DNAI2: variants seen among roughly 807,000 people sequenced by gnomAD.
The protein encoded by DNAI2 is dynein axonemal intermediate chain 2.
In DNAI2, 63 loss-of-function variants were observed where a neutral mutation model predicts 74.7. That is an observed-to-expected ratio of 0.84 (90% CI 0.69 to 1.04). The LOEUF (loss-of-function observed/expected upper bound fraction) is 1.04. Ranked by LOEUF, DNAI2 falls within the 50% of genes least tolerant of loss-of-function variation. The pLI is 0.00. For missense variants in DNAI2, 688 were observed against 803.2 expected, an observed-to-expected ratio of 0.86 and a Z score of 1.73; for synonymous variants, 289 against 314.9, an observed-to-expected ratio of 0.92 and a Z score of 0.87.
At chr17:74,310,314 T>G in intron 11 of DNAI2, 151 bp downstream of exon 11, 1 of 1,182,472 alleles carries the variant, frequency 8.5e-7, no homozygotes, top group East Asian at 2.7e-5. Context: ...GCTCCATAAA[T>G]AGGTGTTGGT....
rs137852998 is a variant in DNAI2 at position 74,299,780 on chromosome 17, C to A, written c.787C>A (p.Arg263=). 6.2e-7 allele frequency: 1 copy of A among 1,613,416 alleles called. No homozygotes were observed. The highest frequency in any genetic ancestry group is 1.7e-5 in the Admixed American group (1 of 59,992). The change falls in exon 7 of 14, where the codon CGA becomes AGA. Residue 263 remains arginine (R), a synonymous_variant. Transcript: ENST00000311014. The part of the protein sequence containing the change: ...AELSTIESSH[R]DPVYGTIWLQ... ...GCTATCCACCATTGAGTCCAGCCAC[C>A]GAGACCCTGTGTATGGCACCATCTG...
At chr17:74,292,403 C>G (rs1387905543) in intron 6 of DNAI2, among the ~76,000 whole-genome samples, 1 of 138,782 alleles carries the variant, frequency 7.2e-6, no homozygotes, top group African/African-American at 2.6e-5. Flanking sequence ...CCCTTATAAT[C>G]ATTTTCTTTT....
intron 8 of DNAI2, among the ~76,000 whole-genome samples, chr17:74,303,240 C>T (rs1268001746): frequency 2.0e-5 from 3 of 152,138 alleles, no homozygotes; most frequent in Admixed American, 2.0e-4. Context: ...AAACCCAGGG[C>T]TCCAACTCTG....
intron 8 of DNAI2, among the ~76,000 whole-genome samples, chr17:74,302,360 G>A (rs1164821523): frequency 2.0e-5 from 3 of 152,176 alleles, no homozygotes; most frequent in East Asian, 1.9e-4. Context: ...CTGAGGTTGG[G>A]AGTTCGAGGC....
At chr17:74,296,346 G>GA (rs371039062) in intron 6 of DNAI2, among the ~76,000 whole-genome samples, 23 of 83,310 alleles carry the variant, frequency 2.8e-4, no homozygotes, top group South Asian at 4.4e-4. Context: ...GAGAGAGAGA[G>GA]GAGAGAGAGA....
chr17:74,280,176 C>T (rs1421506768), intron 1 of DNAI2, among the ~76,000 whole-genome samples: 1 of 152,184 alleles, frequency 6.6e-6, no homozygotes, highest in East Asian at 1.9e-4. Flanking sequence ...AGGTCAAGGG[C>T]AATATGTGGG....
intron 11 of DNAI2, 121 bp from the exon 12 acceptor site, chr17:74,311,882 A>T: frequency 1.1e-6 from 1 of 939,784 alleles, no homozygotes; most frequent in Non-Finnish European, 1.7e-6. Flanking sequence ...AGACCTCTAC[A>T]GTACAGGGAC....
intron 6 of DNAI2, among the ~76,000 whole-genome samples, chr17:74,299,112 C>T (rs531918860): frequency 2.6e-5 from 4 of 152,198 alleles, no homozygotes; most frequent in South Asian, 2.1e-4. Context: ...AAAATGGAAA[C>T]GAAATCTAAC....
intron 1 of DNAI2, among the ~76,000 whole-genome samples, chr17:74,277,940 C>T (rs1859641045): frequency 6.6e-6 from 1 of 152,192 alleles, no homozygotes; most frequent in African/African-American, 2.4e-5. Flanking sequence ...AGAAAAAAAG[C>T]ATATACTGAT....
chr17:74,274,570 C>A (rs1468987391), intron 1 of DNAI2, among the ~76,000 whole-genome samples: 1 of 152,164 alleles, frequency 6.6e-6, no homozygotes, highest in Non-Finnish European at 1.5e-5. Context: ...CAGGACCCTG[C>A]AGCCTCTGTA....
intron 4 of DNAI2, among the ~76,000 whole-genome samples, chr17:74,287,954 C>CAAA (rs35302128): frequency 1.3e-4 from 17 of 134,526 alleles, no homozygotes; most frequent in African/African-American, 1.9e-4. Context: ...GACTCTGTCT[C>CAAA]AAAAAAAAAA....
At chr17:74,277,619 C>T (rs1028785724) in intron 1 of DNAI2, among the ~76,000 whole-genome samples, 1 of 152,198 alleles carries the variant, frequency 6.6e-6, no homozygotes, top group African/African-American at 2.4e-5. Context: ...GGGCACACAG[C>T]TCCTGCCCTG....
At chr17:74,290,649 A>G (rs1208568798) in intron 5 of DNAI2, among the ~76,000 whole-genome samples, 1 of 152,210 alleles carries the variant, frequency 6.6e-6, no homozygotes, top group Non-Finnish European at 1.5e-5. Flanking sequence ...GGACTCCGTC[A>G]TTATCTGCAG....
chr17:74,300,397 C>A lies in DNAI2; in HGVS notation c.864+540C>A, dbSNP rs551363710. On this transcript the variant is annotated intron_variant, in intron 7 of 13. Coordinates refer to ENST00000311014, the MANE Select transcript of DNAI2 (RefSeq NM_023036.6). This position sits in a 1 kb window ranked among gnomAD's most constrained non-coding sequence, Gnocchi z 4.5. ...TGTCTGCCTTCAGAGCTAGTCTCTG[C>A]GTATGCAAGGAAACACACCTCTCTC... Among the ~76,000 whole-genome samples, 6 of 152,336 alleles carry A rather than the reference C, an allele frequency of 3.9e-5. No homozygotes were observed. The highest frequency in any genetic ancestry group is 3.3e-4 in the Admixed American group (5 of 15,298).
intron 3 of DNAI2, 68 bp downstream of exon 3, chr17:74,285,269 GC>G: frequency 6.3e-7 from 1 of 1,576,484 alleles, no homozygotes. Context: ...GGGATGCACT[GC>G]CCCAGCTGTG....
chr17:74,314,323 C>A, intron 13 of DNAI2, 52 bp downstream of exon 13: 1 of 1,596,502 alleles, frequency 6.3e-7, no homozygotes, highest in Non-Finnish European at 8.6e-7. Flanking sequence ...TAAAGCAGCA[C>A]TGGGTGGTGG....
intron 1 of DNAI2, among the ~76,000 whole-genome samples, chr17:74,278,153 C>T (rs559042652): frequency 9.9e-5 from 15 of 151,872 alleles, no homozygotes; most frequent in Non-Finnish European, 1.3e-4. Flanking sequence ...TTCTTCATCT[C>T]GAAAATGGGC....
chr17:74,299,615 C>T, intron 6 of DNAI2, 103 bp from the exon 7 acceptor site: 1 of 1,502,264 alleles, frequency 6.7e-7, no homozygotes, highest in Non-Finnish European at 9.1e-7. Flanking sequence ...AAACCACATA[C>T]CTGCCAAACC....
chr17:74,289,106 A>C (rs564879976), intron 4 of DNAI2, among the ~76,000 whole-genome samples: 34 of 152,338 alleles, frequency 2.2e-4, no homozygotes, highest in Middle Eastern at 3.4e-3. Flanking sequence ...AAGCAGGGCC[A>C]GTGGCTGTCA....
Sources: gnomAD v4.1 joint callset for allele counts (sites outside exome capture counted in the v4.1 genomes callset) on GRCh38, gnomAD v4.1.1 for gene constraint, Gnocchi (gnomAD v3.1) non-coding constraint, MANE v1.5 for transcripts, NCBI Gene and HGNC (gene_info 2026-07-23, HGNC 2026-07-21) for gene names.